KLHL7: variants seen among roughly 807,000 people sequenced by gnomAD.
The protein encoded by KLHL7 is kelch-like protein 7.
Under a neutral mutation model 67.4 loss-of-function variants are expected in KLHL7, and 44 were observed. That is an observed-to-expected ratio of 0.65 (90% CI 0.51 to 0.84). KLHL7 has a LOEUF of 0.84. KLHL7 is among the 40% of genes least tolerant of loss of function. The pLI is 0.00. For synonymous variants in KLHL7, 252 were observed against 243.3 expected (o/e 1.04, Z -0.33); for missense variants, 362 against 718.1 (o/e 0.50, Z 5.67).
At position 23,105,935 on chromosome 7, in the gene KLHL7, C is replaced by G. The variant is rs1198667720; in HGVS notation, c.-92C>G. 6.5e-7 allele frequency: 1 copy of G among 1,539,880 alleles called. No individual in the cohort carries two copies. The highest frequency in any genetic ancestry group is 1.2e-5 in the South Asian group (1 of 84,262). On this transcript the variant is annotated 5_prime_UTR_variant, in exon 1 of 11. Coordinates refer to ENST00000339077, the MANE Select transcript of KLHL7 (RefSeq NM_001031710.3). ...GCGCTGCAGCTGCACTGCCGATCGC[C>G]GTGTTTGGTCGATAGAATCCCCAGT...
intron 4 of KLHL7, among the ~76,000 whole-genome samples, chr7:23,132,736 G>A (rs1783846207): frequency 6.6e-6 from 1 of 152,168 alleles, no homozygotes; most frequent in East Asian, 1.9e-4. Context: ...GTGTCCTGGA[G>A]ATTTCTCCCC....
chr7:23,124,628 G>A, intron 2 of KLHL7, 60 bp from the exon 3 acceptor site: 2 of 995,834 alleles, frequency 2.0e-6, no homozygotes, highest in Non-Finnish European at 3.2e-6. Flanking sequence ...GAATGCCGTG[G>A]TTCCTCAGTC....
chr7:23,132,722 AT>A (rs1413136337), intron 4 of KLHL7, among the ~76,000 whole-genome samples: 1 of 152,160 alleles, frequency 6.6e-6, no homozygotes, highest in African/African-American at 2.4e-5. Flanking sequence ...CTTTGCCCAG[AT>A]CAGTGTCCTG....
chr7:23,164,537 C>T (rs570629048), intron 7 of KLHL7, among the ~76,000 whole-genome samples: 16 of 152,270 alleles, frequency 1.1e-4, no homozygotes, highest in African/African-American at 2.6e-4. Context: ...TGAAGTTTCA[C>T]GAACATGTTA....
intron 4 of KLHL7, 113 bp downstream of exon 4, chr7:23,125,285 T>A: frequency 9.0e-7 from 1 of 1,112,638 alleles, no homozygotes; most frequent in South Asian, 1.4e-5. Flanking sequence ...AAAGACATTG[T>A]CCACTAGAAC....
At chr7:23,135,566 A>G (rs1337676996) in intron 4 of KLHL7, among the ~76,000 whole-genome samples, 1 of 152,196 alleles carries the variant, frequency 6.6e-6, no homozygotes, top group Non-Finnish European at 1.5e-5. Context: ...TTTGAATGAT[A>G]TGTGCTTTCT....
At chr7:23,144,905 C>T (rs1042388537) in intron 6 of KLHL7, among the ~76,000 whole-genome samples, 2 of 147,424 alleles carry the variant, frequency 1.4e-5, no homozygotes, top group African/African-American at 5.2e-5. Flanking sequence ...TGAGATTCAC[C>T]TGGGCAACAT....
chr7:23,112,151 G>A (rs1371165814), intron 1 of KLHL7, among the ~76,000 whole-genome samples: 1 of 152,220 alleles, frequency 6.6e-6, no homozygotes, highest in African/African-American at 2.4e-5. Context: ...TATTTGTATT[G>A]TGATGCTGGT....
chr7:23,169,211 A>AT (rs1377821696), intron 9 of KLHL7, among the ~76,000 whole-genome samples: 1 of 152,148 alleles, frequency 6.6e-6, no homozygotes, highest in Non-Finnish European at 1.5e-5. Context: ...GTGAGCCAAG[A>AT]TTGTGCCACA....
chr7:23,128,810 TCTG>T (rs1783684778), intron 4 of KLHL7, among the ~76,000 whole-genome samples: 1 of 152,200 alleles, frequency 6.6e-6, no homozygotes, highest in South Asian at 2.1e-4. Context: ...ATTTGCCTAT[TCTG>T]AGTGTTTCAT....
Position 23,105,851 on chromosome 7 carries a change from C to T in KLHL7, c.-176C>T. The T allele has an allele frequency of 4.2e-6, 4 of 948,028 alleles. No homozygotes were observed. Among genetic ancestry groups the T allele is most frequent in the South Asian group, 1.4e-5 (1 of 70,478 alleles). 58.7% of individuals were successfully genotyped at this position (948,028 alleles called of 1,614,324 possible). ...CCTGAGCGTTTCTAAGGGGGCCGCC[C>T]GGCCTTGTCTTTCGGCAGTGGCCGA... On this transcript the variant is annotated 5_prime_UTR_variant, in exon 1 of 11. Coordinates refer to ENST00000339077, the MANE Select transcript of KLHL7 (RefSeq NM_001031710.3).
chr7:23,166,275 A>G (rs73275806), intron 8 of KLHL7, among the ~76,000 whole-genome samples: 3,402 of 152,274 alleles, frequency 0.022, 119 homozygotes, highest in African/African-American at 0.077. Flanking sequence ...TAGACTCTTT[A>G]AGAACTCGTT....
rs1039369483 is a variant in KLHL7 at position 23,140,957 on chromosome 7, C to T, written c.618+13C>T. 3.1e-6 allele frequency: 5 copies of T among 1,609,672 alleles called. No individual in the cohort carries two copies. Among genetic ancestry groups the T allele is most frequent in the Admixed American group, 3.3e-5 (2 of 59,992 alleles). On this transcript the variant is annotated intron_variant, in intron 5 of 10. Coordinates refer to ENST00000339077, the MANE Select transcript of KLHL7 (RefSeq NM_001031710.3). ...AGCAGAGGATCAGGTGACTAAATTG[C>T]CTTCTCACATTTTTCTTAATAAAAA...
chr7:23,137,505 G>A (rs1784021144), intron 4 of KLHL7, among the ~76,000 whole-genome samples: 1 of 148,744 alleles, frequency 6.7e-6, no homozygotes, highest in Non-Finnish European at 1.5e-5. Flanking sequence ...TTTTGACAGA[G>A]TCTCATTCTG....
At chr7:23,125,008 A>C (rs1344763438) in intron 3 of KLHL7, 40 bp from the exon 4 acceptor site, 1 of 1,574,988 alleles carries the variant, frequency 6.3e-7, no homozygotes, top group East Asian at 2.2e-5. Context: ...AAATAATAAA[A>C]AATCATGGGT....
chr7:23,161,281 T>C (rs776065741), intron 7 of KLHL7, among the ~76,000 whole-genome samples: 15 of 152,182 alleles, frequency 9.9e-5, no homozygotes, highest in Non-Finnish European at 2.1e-4. Flanking sequence ...TTACAGACTG[T>C]ATTTTACTCT....
intron 1 of KLHL7, among the ~76,000 whole-genome samples, chr7:23,116,652 T>C (rs926834835): frequency 2.6e-5 from 4 of 152,196 alleles, no homozygotes; most frequent in Admixed American, 6.5e-5. Context: ...CTTCCCCTAG[T>C]GGAAAATAAG....
chr7:23,134,018 G>T (rs1385539116), intron 4 of KLHL7, among the ~76,000 whole-genome samples: 1 of 152,116 alleles, frequency 6.6e-6, no homozygotes, highest in African/African-American at 2.4e-5. Context: ...GAGCATCCTG[G>T]TTGTGTTCCA....
chr7:23,141,023 A>AGTTT, intron 5 of KLHL7, 79 bp downstream of exon 5: 3 of 1,177,534 alleles, frequency 2.5e-6, no homozygotes, highest in Non-Finnish European at 3.8e-6. Context: ...TGGACACATG[A>AGTTT]CAAGGGAAAG....
Sources: allele counts gnomAD v4.1 joint callset (sites outside exome capture counted in the v4.1 genomes callset), GRCh38; gene constraint gnomAD v4.1.1; transcripts MANE v1.5; gene names NCBI Gene and HGNC (gene_info 2026-07-23, HGNC 2026-07-21).